Variants in ZMIZ1 observed in about 807,000 individuals in gnomAD.
The protein encoded by ZMIZ1 is zinc finger MIZ domain-containing protein 1.
A neutral mutation model predicts 113.9 loss-of-function variants in ZMIZ1; 17 were observed. The ratio of observed to expected loss-of-function variants is 0.15; its 90% CI spans 0.10 to 0.22. The LOEUF (loss-of-function observed/expected upper bound fraction) is 0.22, where lower values mean the gene tolerates loss of function less well. ZMIZ1 is among the 10% of genes least tolerant of loss of function. The pLI is 1.00. For synonymous variants in ZMIZ1, 607 were observed against 603.1 expected, an observed-to-expected ratio of 1.01 and a Z score of -0.09; for missense variants, 1,059 against 1,477.8, an observed-to-expected ratio of 0.72 and a Z score of 4.65.
In ZMIZ1 at chr10:79,155,497, G is replaced by A. The variant is rs145108584; in HGVS notation, c.-130-6556G>A. 1.7e-3 allele frequency among the ~76,000 whole-genome samples: 254 copies of A among 152,354 alleles called. 3 individuals are homozygous for A. Among genetic ancestry groups the A allele is most frequent in the African/African-American group, 5.8e-3 (242 of 41,582 alleles). ...CTGGTCTCAGTTTGTCTCTGTTCAAGTCCAGCACCAAGGGACTAGGTTGGC... is the reference window on the plus strand; with the variant it reads ...CTGGTCTCAGTTTGTCTCTGTTCAAATCCAGCACCAAGGGACTAGGTTGGC... On this transcript the variant is annotated intron_variant, in intron 3 of 24. Transcript: ENST00000334512.
intron 7 of ZMIZ1, among the ~76,000 whole-genome samples, chr10:79,265,463 CTTTTCTTTTTT>C (rs1225140013): frequency 2.3e-5 from 3 of 131,732 alleles, no homozygotes; most frequent in African/African-American, 3.2e-5. Flanking sequence ...CCTTTTTTTT[CTTTTCTTTTTT>C]TTTTTTTTTT....
intron 7 of ZMIZ1, among the ~76,000 whole-genome samples, chr10:79,256,548 C>T (rs767474598): frequency 1.3e-5 from 2 of 152,226 alleles, no homozygotes; most frequent in Non-Finnish European, 1.5e-5. Flanking sequence ...GGGAGCCTGC[C>T]GGTGCCCCTG....
At chr10:79,119,995 A>T (rs1361525256) in intron 2 of ZMIZ1, among the ~76,000 whole-genome samples, 2 of 146,416 alleles carry the variant, frequency 1.4e-5, no homozygotes, top group Non-Finnish European at 3.0e-5. Context: ...AAACAGAAAG[A>T]TCCCAGTGAT....
At chr10:79,240,565 G>T (rs1008104592) in intron 7 of ZMIZ1, among the ~76,000 whole-genome samples, 1 of 150,832 alleles carries the variant, frequency 6.6e-6, no homozygotes, top group African/African-American at 2.4e-5. Flanking sequence ...AAGGCCTCCC[G>T]TGCAGTCTGG....
At chr10:79,240,259 C>T (rs886453301) in intron 7 of ZMIZ1, among the ~76,000 whole-genome samples, 1 of 152,268 alleles carries the variant, frequency 6.6e-6, no homozygotes, top group African/African-American at 2.4e-5. Flanking sequence ...TCAGAGAGCT[C>T]ACCAAGTGCC....
intron 1 of ZMIZ1, among the ~76,000 whole-genome samples, chr10:79,116,443 C>T (rs1013601891): frequency 3.9e-5 from 6 of 152,090 alleles, no homozygotes; most frequent in Admixed American, 3.3e-4. Context: ...CCAGGCAAGG[C>T]CTGGGGAGGT....
intron 18 of ZMIZ1, among the ~76,000 whole-genome samples, chr10:79,302,766 T>TCA (rs929341639): frequency 7.0e-6 from 1 of 142,758 alleles, no homozygotes; most frequent in African/African-American, 2.6e-5. Flanking sequence ...TGATCTCGGC[T>TCA]CACTGCAGGC....
At position 79,152,799 on chromosome 10, in the gene ZMIZ1, T is replaced by C. The variant is rs184363359; in HGVS notation, c.-130-9254T>C. Among the ~76,000 whole-genome samples, 11 of 152,386 alleles carry C rather than the reference T, an allele frequency of 7.2e-5. 1 individual carries two copies. The East Asian group carries it at 9.6e-4, about 13-fold the overall frequency. On this transcript the variant is annotated intron_variant, in intron 3 of 24. Transcript: ENST00000334512. ...AACACCACCCACCTTATAGAATCTG[T>C]ACCAGTGTCAGCCACCATGTTCTTT...
chr10:79,283,527 A>T (rs1008274609), intron 8 of ZMIZ1, among the ~76,000 whole-genome samples: 6 of 152,212 alleles, frequency 3.9e-5, no homozygotes, highest in African/African-American at 1.4e-4. Flanking sequence ...GAAGGGGGCA[A>T]TCAAAACCAG....
At chr10:79,292,858 C>G (rs2132034991) in intron 11 of ZMIZ1, 1 of 462,914 alleles carries the variant, frequency 2.2e-6, no homozygotes, top group Middle Eastern at 3.2e-4. Context: ...GAATGCAGAA[C>G]AGGAGGTGAG....
intron 1 of ZMIZ1, among the ~76,000 whole-genome samples, chr10:79,117,907 G>T (rs1486098204): frequency 1.4e-4 from 21 of 152,198 alleles, no homozygotes. Context: ...GAGCTTTCCT[G>T]CTACACTTTT....
chr10:79,246,409 C>T (rs529137111), intron 7 of ZMIZ1, among the ~76,000 whole-genome samples: 7 of 152,284 alleles, frequency 4.6e-5, no homozygotes, highest in Admixed American at 3.3e-4. Context: ...CTGGAAGGAG[C>T]GGGCGCGAGG....
rs74446538 is a variant in ZMIZ1, at chr10:79,166,835, G to A, written c.-50+4702G>A. 3.6e-3 allele frequency among the ~76,000 whole-genome samples: 548 copies of A among 152,324 alleles called. 2 individuals carry two copies. The highest frequency in any genetic ancestry group is 0.012 in the African/African-American group (484 of 41,588). On this transcript the variant is annotated intron_variant, in intron 4 of 24. Transcript: ENST00000334512. ...CCCCACCACTCACCTGGACGCCCTC[G>A]GGAAGCTCCCTCGGTCCCCGGCCTT...
intron 22 of ZMIZ1, 50 bp from the exon 23 acceptor site, chr10:79,307,355 C>T (rs768131164): frequency 1.3e-6 from 2 of 1,565,002 alleles, no homozygotes; most frequent in Non-Finnish European, 8.8e-7. Flanking sequence ...TGGGGGTGGC[C>T]ACTATCCCTC....
chr10:79,202,454 A>G (rs555012820), intron 5 of ZMIZ1, among the ~76,000 whole-genome samples: 1 of 150,682 alleles, frequency 6.6e-6, no homozygotes, highest in Non-Finnish European at 1.5e-5. Flanking sequence ...TTAAAAAAAG[A>G]AAAAAAAAGC....
chr10:79,210,189 G>C (rs914153847), intron 6 of ZMIZ1, among the ~76,000 whole-genome samples: 1 of 152,148 alleles, frequency 6.6e-6, no homozygotes, highest in Admixed American at 6.5e-5. Flanking sequence ...CTTGTGTGAC[G>C]TGTGTCCAGC....
At chr10:79,220,381 C>T (rs900412769) in intron 7 of ZMIZ1, among the ~76,000 whole-genome samples, 16 of 152,218 alleles carry the variant, frequency 1.1e-4, no homozygotes, top group African/African-American at 3.9e-4. Flanking sequence ...TCCTCTCTCC[C>T]CTCGGCTCTG....
At chr10:79,294,932 G>GC (rs1274331636) in intron 12 of ZMIZ1, 2 of 107,276 alleles carry the variant, frequency 1.9e-5, no homozygotes, top group African/African-American at 7.2e-5. Context: ...GAGTTCAGGA[G>GC]GGGAGAGAGA....
chr10:79,316,121 T>TA lies in ZMIZ1; in HGVS notation c.*3373dup, dbSNP rs1855519121. 1 of 152,756 alleles carries TA rather than the reference T, an allele frequency of 6.5e-6. No homozygotes were observed. Among genetic ancestry groups the TA allele is most frequent in the Admixed American group, 6.5e-5 (1 of 15,284 alleles). 9.5% of individuals were successfully genotyped at this position (152,756 alleles called of 1,614,324 possible). ...CAGAAGAAAATTGTAACCAAATTCA[T>TA]ACTTTGTATAATTTTTGATATCATG... On this transcript the variant is annotated 3_prime_UTR_variant, in exon 25 of 25. Coordinates refer to ENST00000334512, the MANE Select transcript of ZMIZ1 (RefSeq NM_020338.4).
Sources: allele counts gnomAD v4.1 joint callset (sites outside exome capture counted in the v4.1 genomes callset), GRCh38; gene constraint gnomAD v4.1.1; transcripts MANE v1.5; gene names NCBI Gene and HGNC (gene_info 2026-07-23, HGNC 2026-07-21).